The following GINM1 variants were observed in gnomAD, a reference collection of about 807,000 sequenced individuals.
GINM1 encodes the protein glycosylated integral membrane protein 1.
Under a neutral mutation model 37.8 loss-of-function variants are expected in GINM1, and 29 were observed. The observed-to-expected ratio is 0.77, with a 90% CI of 0.57 to 1.05. The LOEUF is 1.05. Ranked by LOEUF, GINM1 falls within the 50% of genes least tolerant of loss-of-function variation. The probability of loss-of-function intolerance (pLI) is 0.00; values close to 1 mark genes in which losing one functional copy is unlikely to be tolerated. For missense variants in GINM1, 377 were observed against 397.9 expected, an observed-to-expected ratio of 0.95 and a Z score of 0.45; for synonymous variants, 143 against 146.2, an observed-to-expected ratio of 0.98 and a Z score of 0.16.
At chr6:149,580,530 A>C in intron 5 of GINM1, 63 bp from the exon 6 acceptor site, 1 of 1,454,740 alleles carries the variant, frequency 6.9e-7, no homozygotes, top group Non-Finnish European at 9.3e-7. Context: ...TTGGTATCGT[A>C]ATCTTAGGAC....
intron 7 of GINM1, among the ~76,000 whole-genome samples, chr6:149,584,788 A>G (rs1297833256): frequency 1.3e-5 from 2 of 149,434 alleles, no homozygotes; most frequent in Admixed American, 6.7e-5. Context: ...TAATACTTGT[A>G]TATATTTTAT....
rs568375038 is a variant in GINM1, at chr6:149,572,650, T to TTTGTTG, written c.277+65_277+70dup. The TTTGTTG allele has an allele frequency of 8.0e-6, 9 of 1,126,602 alleles. No individual in the cohort carries two copies. In the Admixed American group the frequency reaches 8.9e-5, roughly 11 times the overall value. The allele number at this position is 1,126,602 out of a possible 1,614,324, so 69.8% of individuals were successfully genotyped here. A position where few individuals can be genotyped will look rare whatever the true frequency, so the allele number is the denominator to read the frequency against. On this transcript the variant is annotated intron_variant, in intron 3 of 7. Coordinates refer to ENST00000367419, the MANE Select transcript of GINM1 (RefSeq NM_138785.5). The stretch of plus-strand genomic sequence containing the variant: ...CCATAATTGCTCTGTTTTTTGTGTG[T>TTTGTTG]TTGTTGTTGTTGTTGTTGTTGTTTG...
chr6:149,582,423 C>T lies in GINM1; in HGVS notation c.718-17C>T, dbSNP rs373477635. The T allele has an allele frequency of 4.1e-5, 66 of 1,595,088 alleles. No individual in the cohort carries two copies. In the African/African-American group the frequency reaches 8.3e-4, roughly 20 times the overall value. Reference sequence around the variant, plus strand: ...GATTGATGCAACTTGCATATCTAATCGAAATTCCTTTTTCAGGTAATGTGT... The same window carrying T: ...GATTGATGCAACTTGCATATCTAATTGAAATTCCTTTTTCAGGTAATGTGT... On this transcript the variant is annotated splice_polypyrimidine_tract_variant and intron_variant, in intron 6 of 7. Coordinates refer to ENST00000367419, the MANE Select transcript of GINM1 (RefSeq NM_138785.5).
At chr6:149,570,431 A>C (rs567895340) in intron 1 of GINM1, among the ~76,000 whole-genome samples, 26 of 152,144 alleles carry the variant, frequency 1.7e-4, no homozygotes, top group Admixed American at 9.2e-4. Flanking sequence ...TAGATGCACT[A>C]TTGGTTCTAA....
chr6:149,576,483 G>T (rs936912313), intron 3 of GINM1, among the ~76,000 whole-genome samples: 1 of 152,146 alleles, frequency 6.6e-6, no homozygotes, highest in Non-Finnish European at 1.5e-5. Context: ...GTGTGCATTG[G>T]CTCATGCCTG....
chr6:149,586,273 AAAG>A lies in GINM1; in HGVS notation c.881+3674_881+3676del, dbSNP rs1447900415. Among the ~76,000 whole-genome samples the A allele has an allele frequency of 5.3e-5, 8 of 152,308 alleles. 1 individual carries two copies. The South Asian group carries it at 8.3e-4, about 16-fold the overall frequency. On this transcript the variant is annotated intron_variant, in intron 7 of 7. Transcript: ENST00000367419. ...CATGTGCAGAGATCACATATCAAGAAAAGAAGCAAGAGGAACAGCAGGGGGGTG... is the reference window on the plus strand; with the variant it reads ...CATGTGCAGAGATCACATATCAAGAAAAGCAAGAGGAACAGCAGGGGGGTG...
intron 7 of GINM1, among the ~76,000 whole-genome samples, chr6:149,585,394 T>C (rs1468061042): frequency 1.3e-5 from 2 of 152,142 alleles, no homozygotes; most frequent in Admixed American, 1.3e-4. Context: ...AAATTCTATG[T>C]ATTAATGTAA....
At chr6:149,576,788 A>G (rs1234019749) in intron 3 of GINM1, among the ~76,000 whole-genome samples, 2 of 152,170 alleles carry the variant, frequency 1.3e-5, no homozygotes, top group Non-Finnish European at 2.9e-5. Context: ...GTTGTTTTTT[A>G]TTTAATTTTA....
At chr6:149,580,528 G>A (rs1777984177) in intron 5 of GINM1, 65 bp from the exon 6 acceptor site, 12 of 1,428,384 alleles carry the variant, frequency 8.4e-6, no homozygotes, top group South Asian at 2.7e-5. Context: ...TATTGGTATC[G>A]TAATCTTAGG....
intron 1 of GINM1, among the ~76,000 whole-genome samples, chr6:149,569,978 C>T (rs980794766): frequency 6.6e-6 from 1 of 151,580 alleles, no homozygotes; most frequent in African/African-American, 2.4e-5. Flanking sequence ...GCTCTGAACT[C>T]CTGGCCAGGG....
chr6:149,570,980 G>A (rs1777809426), intron 1 of GINM1, among the ~76,000 whole-genome samples: 1 of 152,136 alleles, frequency 6.6e-6, no homozygotes, highest in Non-Finnish European at 1.5e-5. Flanking sequence ...TAAAATTGGA[G>A]CATTACAGAT....
Position 149,578,807 on chromosome 6 carries a change from C to CTTTTTTTTT in GINM1, c.278-13_278-5dup. 7.9e-7 allele frequency: 1 copy of CTTTTTTTTT among 1,263,258 alleles called. No homozygotes were observed. Among genetic ancestry groups the CTTTTTTTTT allele is most frequent in the Non-Finnish European group, 1.1e-6 (1 of 920,956 alleles). The allele number at this position is 1,263,258 out of a possible 1,614,324, so 78.3% of individuals were successfully genotyped here. On this transcript the variant is annotated splice_polypyrimidine_tract_variant and intron_variant, in intron 3 of 7. Coordinates refer to ENST00000367419, the MANE Select transcript of GINM1 (RefSeq NM_138785.5). ...TAATCTTTGTTCAAAGGTGTCACTA[C>CTTTTTTTTT]TTTTTTTTTTATAGTGAAGAATGAA...
intron 3 of GINM1, among the ~76,000 whole-genome samples, chr6:149,577,001 A>AT (rs1343348187): frequency 1.3e-5 from 2 of 152,194 alleles, no homozygotes; most frequent in Non-Finnish European, 2.9e-5. Flanking sequence ...GGGAGCCAGT[A>AT]TCTCACATGG....
chr6:149,573,590 G>A (rs1484813194), intron 3 of GINM1, among the ~76,000 whole-genome samples: 1 of 152,152 alleles, frequency 6.6e-6, no homozygotes, highest in Non-Finnish European at 1.5e-5. Flanking sequence ...ATGTAAGAAT[G>A]TGCATAGAGG....
intron 7 of GINM1, 57 bp from the exon 8 acceptor site, chr6:149,590,670 A>T: frequency 1.1e-6 from 1 of 913,504 alleles, no homozygotes; most frequent in Non-Finnish European, 1.8e-6. Context: ...CTCACTATCA[A>T]ACTACAGGCA....
In GINM1 at chr6:149,591,136, A is replaced by T. The variant is rs565554441; in HGVS notation, c.*298A>T. ...AAACCCTGTCTCTACTAAAAAAAAT[A>T]AAAAAATTAGCTGGGTGTGGCGGTG... On this transcript the variant is annotated 3_prime_UTR_variant, in exon 8 of 8. Coordinates refer to ENST00000367419, the MANE Select transcript of GINM1 (RefSeq NM_138785.5). 1.6e-4 allele frequency: 27 copies of T among 173,158 alleles called. No individual in the cohort carries two copies. The East Asian group carries it at 6.0e-3, about 38-fold the overall frequency. 10.7% of individuals were successfully genotyped at this position (173,158 alleles called of 1,614,324 possible).
chr6:149,590,296 G>A (rs1443336825), intron 7 of GINM1, among the ~76,000 whole-genome samples: 1 of 152,120 alleles, frequency 6.6e-6, no homozygotes, highest in Non-Finnish European at 1.5e-5. Flanking sequence ...ACAATGCAGG[G>A]TCCTAGATTC....
intron 3 of GINM1, among the ~76,000 whole-genome samples, chr6:149,573,396 T>G (rs1285007524): frequency 6.6e-6 from 1 of 152,142 alleles, no homozygotes; most frequent in Non-Finnish European, 1.5e-5. Flanking sequence ...GCCACTGCAC[T>G]CCAGCATGGG....
intron 3 of GINM1, among the ~76,000 whole-genome samples, chr6:149,575,204 G>A (rs189191359): frequency 6.6e-6 from 1 of 152,078 alleles, no homozygotes; most frequent in Non-Finnish European, 1.5e-5. Context: ...CTCCTGCCTT[G>A]CCCTCACACA....
Sources: gnomAD v4.1 joint callset for allele counts (sites outside exome capture counted in the v4.1 genomes callset) on GRCh38, gnomAD v4.1.1 for gene constraint, MANE v1.5 for transcripts, NCBI Gene and HGNC (gene_info 2026-07-23, HGNC 2026-07-21) for gene names.